FYB1: variants seen among roughly 807,000 people sequenced by gnomAD.
The protein encoded by FYB1 is FYN-binding protein 1.
FYB1 carries 41 observed loss-of-function variants against 94.1 expected under a neutral mutation model. The observed-to-expected ratio is 0.44, with a 90% CI of 0.34 to 0.57. The LOEUF is 0.57. FYB1 is among the 20% of genes least tolerant of loss of function. The pLI is 0.02. For synonymous variants in FYB1, 367 were observed against 353.2 expected, an observed-to-expected ratio of 1.04 and a Z score of -0.44; for missense variants, 1,050 against 976.8, an observed-to-expected ratio of 1.07 and a Z score of -1.00.
intron 1 of FYB1, among the ~76,000 whole-genome samples, chr5:39,250,383 G>A (rs996400519): frequency 4.6e-5 from 7 of 152,242 alleles, no homozygotes; most frequent in Non-Finnish European, 8.8e-5. Context: ...GGGAAGAATT[G>A]TATTGCAGAA....
chr5:39,212,016 C>T (rs1749441465), intron 1 of FYB1, among the ~76,000 whole-genome samples: 1 of 152,204 alleles, frequency 6.6e-6, no homozygotes, highest in Admixed American at 6.5e-5. Flanking sequence ...AGACAGGTGG[C>T]AGCAGCTGGG....
intron 6 of FYB1, 90 bp from the exon 7 acceptor site, chr5:39,137,810 A>G (rs1051790814): frequency 1.3e-6 from 2 of 1,508,572 alleles, no homozygotes; most frequent in Non-Finnish European, 8.9e-7. Flanking sequence ...CACAACAGAA[A>G]AGGTGGTATC....
At chr5:39,200,045 C>T (rs1748175405) in intron 2 of FYB1, among the ~76,000 whole-genome samples, 1 of 152,106 alleles carries the variant, frequency 6.6e-6, no homozygotes. Flanking sequence ...CATAATACAT[C>T]TCAAGGCATC....
intron 11 of FYB1, among the ~76,000 whole-genome samples, chr5:39,127,059 C>CAAAAAAAAAAAAAAAAAAAA (rs200980181): frequency 3.9e-5 from 3 of 77,488 alleles, no homozygotes; most frequent in Non-Finnish European, 5.4e-5. Context: ...ACTCAGGTCT[C>CAAAAAAAAAAAAAAAAAAAA]AAAAAAAAAA....
chr5:39,147,313 A>G (rs1462694706), intron 3 of FYB1, among the ~76,000 whole-genome samples: 1 of 151,594 alleles, frequency 6.6e-6, no homozygotes, highest in Non-Finnish European at 1.5e-5. Context: ...TCTGTCCCCC[A>G]GGCTGGAGTG....
chr5:39,139,667 A>C (rs1376182667), intron 4 of FYB1: 1 of 152,930 alleles, frequency 6.5e-6, no homozygotes, highest in East Asian at 1.9e-4. Context: ...GGATTAAAAA[A>C]ATTTAATAAG....
rs569636366 is a variant in FYB1 at position 39,207,574 on chromosome 5, T to A, written c.-27-4587A>T. On this transcript the variant is annotated intron_variant, in intron 1 of 18. Coordinates refer to ENST00000512982, the MANE Select transcript of FYB1 (RefSeq NM_001465.6). ...GCTGAGATGGCATGAAGGACAGACA[T>A]CCCATCTTTTCTGTTCCTAGAAAGA... Among the ~76,000 whole-genome samples the A allele has an allele frequency of 4.6e-5, 7 of 152,310 alleles. No homozygotes were observed. The South Asian group carries it at 1.4e-3, about 32-fold the overall frequency.
chr5:39,221,707 A>C (rs1750271743), upstream of FYB1, among the ~76,000 whole-genome samples: 1 of 152,116 alleles, frequency 6.6e-6, no homozygotes, highest in Non-Finnish European at 1.5e-5. Context: ...AAACAAAATA[A>C]AATAATCCAC....
chr5:39,255,889 A>G (rs1191148747), intron 1 of FYB1, among the ~76,000 whole-genome samples: 1 of 152,164 alleles, frequency 6.6e-6, no homozygotes, highest in Non-Finnish European at 1.5e-5. Context: ...AGAAAACAGA[A>G]TTTACTGTCA....
At chr5:39,243,351 C>G (rs1254527622) in intron 1 of FYB1, among the ~76,000 whole-genome samples, 3 of 151,598 alleles carry the variant, frequency 2.0e-5, no homozygotes, top group Non-Finnish European at 2.9e-5. Flanking sequence ...TTTCAGCTTT[C>G]TACATATGGC....
At chr5:39,181,669 T>G (rs997476290) in intron 2 of FYB1, among the ~76,000 whole-genome samples, 5 of 152,188 alleles carry the variant, frequency 3.3e-5, no homozygotes, top group African/African-American at 4.8e-5. Context: ...TCCTGGTCAC[T>G]CTCTCAAAAC....
intron 2 of FYB1, among the ~76,000 whole-genome samples, chr5:39,166,848 G>A (rs1388691475): frequency 6.6e-6 from 1 of 151,856 alleles, no homozygotes; most frequent in Non-Finnish European, 1.5e-5. Flanking sequence ...TTAATTAATG[G>A]GTACAATGTA....
intron 1 of FYB1, chr5:39,270,494 C>T (rs1257118573): frequency 7.1e-7 from 1 of 1,414,750 alleles, no homozygotes. Flanking sequence ...GCACCCTCAA[C>T]TCTGACTGTT....
At chr5:39,149,507 A>C (rs868780016) in intron 3 of FYB1, among the ~76,000 whole-genome samples, 1 of 152,212 alleles carries the variant, frequency 6.6e-6, no homozygotes, top group African/African-American at 2.4e-5. Context: ...TTCCATCTTT[A>C]AAAAGGCTCT....
Position 39,122,306 on chromosome 5 carries a change from A to T in FYB1, c.2138+30T>A, listed in dbSNP as rs1169905894. 2.9e-6 allele frequency: 4 copies of T among 1,378,060 alleles called. No individual in the cohort carries two copies. The East Asian group carries it at 7.3e-5, about 25-fold the overall frequency. The allele number at this position is 1,378,060 out of a possible 1,614,324, so 85.4% of individuals were successfully genotyped here. On this transcript the variant is annotated intron_variant, in intron 14 of 18. Transcript: ENST00000512982. ...TTTCTTGAGTATTCTCATTTTCATT[A>T]CTTCATTGTAATGAAAGCATTTTAA... is the stretch of plus-strand genomic sequence containing the variant.
intron 1 of FYB1, among the ~76,000 whole-genome samples, chr5:39,253,993 C>T (rs1751836233): frequency 6.6e-6 from 1 of 152,140 alleles, no homozygotes. Context: ...CCAGTTCCAT[C>T]CACGTCCCAT....
intron 1 of FYB1, among the ~76,000 whole-genome samples, chr5:39,230,268 G>A (rs567794389): frequency 2.6e-5 from 4 of 152,312 alleles, no homozygotes; most frequent in African/African-American, 9.6e-5. Context: ...GAAGGCCAGT[G>A]TCAGAGTGAT....
intron 16 of FYB1, among the ~76,000 whole-genome samples, chr5:39,113,494 C>A (rs1169435423): frequency 6.6e-6 from 1 of 152,088 alleles, no homozygotes; most frequent in Non-Finnish European, 1.5e-5. Flanking sequence ...TAACACCCAC[C>A]TCCCATATGT....
At chr5:39,127,848 AT>A in intron 10 of FYB1, 41 bp from the exon 11 acceptor site, 1 of 1,558,916 alleles carries the variant, frequency 6.4e-7, no homozygotes, top group Non-Finnish European at 8.7e-7. Context: ...TAATTTTATA[AT>A]TTGGCCATGT....
Sources: gnomAD v4.1 joint callset for allele counts (sites outside exome capture counted in the v4.1 genomes callset) on GRCh38, gnomAD v4.1.1 for gene constraint, MANE v1.5 for transcripts, NCBI Gene and HGNC (gene_info 2026-07-23, HGNC 2026-07-21) for gene names.